CADPS2: variants seen among roughly 807,000 people sequenced by gnomAD.
CADPS2 encodes calcium dependent secretion activator 2.
Under a neutral mutation model 172.5 loss-of-function variants are expected in CADPS2, and 93 were observed. The observed-to-expected ratio is 0.54, with a 90% CI of 0.46 to 0.64. The LOEUF is 0.64. Ranked by LOEUF, CADPS2 falls within the 30% of genes least tolerant of loss-of-function variation. The probability of loss-of-function intolerance (pLI) is 0.00; values close to 1 mark genes in which losing one functional copy is unlikely to be tolerated. For synonymous variants in CADPS2, 546 were observed against 555.2 expected (o/e 0.98, Z 0.23); for missense variants, 1,420 against 1,565.9 (o/e 0.91, Z 1.57).
At chr7:122,679,154 G>A (rs904349621) in intron 2 of CADPS2, among the ~76,000 whole-genome samples, 1 of 151,224 alleles carries the variant, frequency 6.6e-6, no homozygotes, top group Non-Finnish European at 1.5e-5. Flanking sequence ...GGCCGGGCAG[G>A]ACAGAGCCAT....
At chr7:122,358,214 A>G (rs185659632) in intron 27 of CADPS2, among the ~76,000 whole-genome samples, 3 of 152,246 alleles carry the variant, frequency 2.0e-5, no homozygotes, top group Admixed American at 2.0e-4. Context: ...CATTTTCCTA[A>G]TGACAAATGA....
At chr7:122,591,938 A>G (rs1415694363) in intron 6 of CADPS2, among the ~76,000 whole-genome samples, 1 of 152,166 alleles carries the variant, frequency 6.6e-6, no homozygotes, top group Non-Finnish European at 1.5e-5. Flanking sequence ...CAAGGACTTC[A>G]TGTCTAAAAC....
intron 1 of CADPS2, among the ~76,000 whole-genome samples, chr7:122,811,580 C>T (rs1436982290): frequency 1.3e-5 from 2 of 151,900 alleles, no homozygotes; most frequent in Non-Finnish European, 2.9e-5. Context: ...ATATACCTGC[C>T]AGCAGAAAGG....
chr7:122,780,989 C>T (rs988898873), intron 1 of CADPS2, among the ~76,000 whole-genome samples: 1 of 152,140 alleles, frequency 6.6e-6, no homozygotes, highest in Non-Finnish European at 1.5e-5. Flanking sequence ...AGTGTAGAGG[C>T]ATTTAATTTC....
chr7:122,415,638 T>G (rs1309913098), intron 18 of CADPS2, among the ~76,000 whole-genome samples: 1 of 143,608 alleles, frequency 7.0e-6, no homozygotes, highest in East Asian at 2.0e-4. Context: ...CCAGTGGAAA[T>G]TACCCCTTGG....
At chr7:122,655,519 A>G (rs1242869069) in intron 3 of CADPS2, among the ~76,000 whole-genome samples, 1 of 152,204 alleles carries the variant, frequency 6.6e-6, no homozygotes, top group Non-Finnish European at 1.5e-5. Flanking sequence ...AAATTAAGAT[A>G]CATAGGTTAT....
At chr7:122,847,121 G>A (rs1220073990) in intron 1 of CADPS2, among the ~76,000 whole-genome samples, 1 of 151,742 alleles carries the variant, frequency 6.6e-6, no homozygotes. Flanking sequence ...GAGTCTTGCT[G>A]TGTTGTCCAG....
chr7:122,392,085 A>T (rs1409460354), intron 22 of CADPS2, among the ~76,000 whole-genome samples: 1 of 152,116 alleles, frequency 6.6e-6, no homozygotes, highest in Non-Finnish European at 1.5e-5. Flanking sequence ...ATCTCAATAA[A>T]TGGAAGCTAT....
chr7:122,745,004 A>C (rs1350420627), intron 1 of CADPS2, among the ~76,000 whole-genome samples: 1 of 151,752 alleles, frequency 6.6e-6, no homozygotes, highest in African/African-American at 2.4e-5. Flanking sequence ...TATAACTGAC[A>C]AGTAAAAACG....
intron 20 of CADPS2, among the ~76,000 whole-genome samples, chr7:122,400,569 T>C (rs1352719956): frequency 6.6e-6 from 1 of 152,244 alleles, no homozygotes; most frequent in Non-Finnish European, 1.5e-5. Flanking sequence ...TCATTTACCA[T>C]ACTGGTCAGT....
chr7:122,544,507 C>G (rs2063425662), intron 8 of CADPS2, among the ~76,000 whole-genome samples: 1 of 152,090 alleles, frequency 6.6e-6, no homozygotes, highest in Admixed American at 6.6e-5. Flanking sequence ...CTGGGCAGGC[C>G]ATGACCAACT....
Position 122,554,708 on chromosome 7 carries a change from C to T in CADPS2, c.1336-19G>A. 2 of 1,571,494 alleles carry T rather than the reference C, an allele frequency of 1.3e-6. No individual in the cohort carries two copies. The highest frequency in any genetic ancestry group is 1.4e-5 in the African/African-American group (1 of 73,104). ...ATATCACCTGTATGGAAAAAAAAAC[C>T]CACATTTAAACGCATGATACGGAGT... is the stretch of plus-strand genomic sequence containing the variant. On this transcript the variant is annotated intron_variant, in intron 7 of 29. Coordinates refer to ENST00000449022, the MANE Select transcript of CADPS2 (RefSeq NM_017954.11).
chr7:122,489,929 A>AT (rs2058138585), intron 11 of CADPS2, 152 bp downstream of exon 11: 1 of 213,274 alleles, frequency 4.7e-6, no homozygotes, highest in African/African-American at 2.4e-5. Context: ...GAAAAATTAG[A>AT]TAAGTGATTA....
intron 27 of CADPS2, among the ~76,000 whole-genome samples, chr7:122,358,914 G>C (rs2039772896): frequency 1.3e-5 from 2 of 152,068 alleles, no homozygotes; most frequent in South Asian, 4.1e-4. Flanking sequence ...AATTCCTCTA[G>C]GTTAGTAACT....
At chr7:122,419,727 T>C (rs894965982) in intron 17 of CADPS2, among the ~76,000 whole-genome samples, 1 of 151,920 alleles carries the variant, frequency 6.6e-6, no homozygotes, top group Middle Eastern at 3.4e-3. Context: ...TGCATTATAT[T>C]ATTTCAATGG....
In CADPS2 at chr7:122,471,498, C is replaced by G; in HGVS notation, c.2063G>C (p.Gly688Ala). Residue 688 changes from glycine (G) to alanine (A), a missense_variant, in exon 14 of 30, where the codon GGC (glycine) becomes GCC (alanine). Physicochemically the swap from Gly to Ala is moderately conservative, Grantham distance 60. Transcript: ENST00000449022. ...DEYCARYGVR[G>A]CHRHLCYLAE... ...AAGGTAGCAGAGATGTCTGTGACAG[C>G]CTCTCACACCATAACGGGCACAGTA... is the stretch of plus-strand genomic sequence containing the variant. 6.2e-7 allele frequency: 1 copy of G among 1,612,390 alleles called. No homozygotes were observed. Among genetic ancestry groups the G allele is most frequent in the African/African-American group, 1.3e-5 (1 of 74,940 alleles).
intron 2 of CADPS2, among the ~76,000 whole-genome samples, chr7:122,729,850 C>T (rs149562495): frequency 5.0e-4 from 75 of 151,302 alleles, no homozygotes; most frequent in African/African-American, 1.5e-3. Flanking sequence ...TACTAATACA[C>T]GAGGGGTGGT....
chr7:122,661,846 C>A (rs1452942019), intron 3 of CADPS2, among the ~76,000 whole-genome samples: 1 of 152,168 alleles, frequency 6.6e-6, no homozygotes. Context: ...TTATGTTAAT[C>A]AACATTTATT....
At chr7:122,885,848 C>A (rs1182477853) in intron 1 of CADPS2, 151 bp downstream of exon 1, 74 of 959,876 alleles carry the variant, frequency 7.7e-5, no homozygotes, top group Non-Finnish European at 2.5e-5. Context: ...GTGAAAGCAC[C>A]GTCTTGTCCC....
Sources: allele counts gnomAD v4.1 joint callset (sites outside exome capture counted in the v4.1 genomes callset), GRCh38; gene constraint gnomAD v4.1.1; transcripts MANE v1.5; gene names NCBI Gene and HGNC (gene_info 2026-07-23, HGNC 2026-07-21).